Variants in RBFOX1 observed in about 807,000 individuals in gnomAD.
RBFOX1 encodes the protein RNA binding protein fox-1 homolog 1.
In RBFOX1, 8 loss-of-function variants were observed where a neutral mutation model predicts 57.7. That is an observed-to-expected ratio of 0.14 (90% CI 0.08 to 0.25). The LOEUF (loss-of-function observed/expected upper bound fraction) is 0.25, where lower values mean the gene tolerates loss of function less well. Ranked by LOEUF, RBFOX1 falls within the 10% of genes least tolerant of loss-of-function variation. The pLI, the probability that RBFOX1 is intolerant of heterozygous loss-of-function variation, is 1.00. For synonymous variants in RBFOX1, 326 were observed against 222.4 expected, an observed-to-expected ratio of 1.47 and a Z score of -4.15; for missense variants, 611 against 548.5, an observed-to-expected ratio of 1.11 and a Z score of -1.14.
chr16:6,806,837 T>TATATATATATATATATATATATA (rs1491107829), intron 3 of RBFOX1, among the ~76,000 whole-genome samples: 11 of 68,884 alleles, frequency 1.6e-4, no homozygotes, highest in South Asian at 5.1e-4. Context: ...TATATATATA[T>TATATATATATATATATATATATA]TTTTTTTTTT....
At chr16:6,840,462 G>T (rs1331027553) in intron 3 of RBFOX1, among the ~76,000 whole-genome samples, 1 of 152,054 alleles carries the variant, frequency 6.6e-6, no homozygotes, top group Non-Finnish European at 1.5e-5. Context: ...ACTGCTATTG[G>T]CTGAATGTTC....
At chr16:6,150,900 T>C (rs1597814577) in intron 1 of RBFOX1, among the ~76,000 whole-genome samples, 1 of 152,316 alleles carries the variant, frequency 6.6e-6, no homozygotes, top group African/African-American at 2.4e-5. Flanking sequence ...ATTTACATTT[T>C]CCGGCAATTC....
intron 2 of RBFOX1, among the ~76,000 whole-genome samples, chr16:5,576,291 C>G (rs1331193743): frequency 6.6e-6 from 1 of 152,194 alleles, no homozygotes; most frequent in Non-Finnish European, 1.5e-5. Context: ...CTACGCCTAA[C>G]CAGAAGTTTT....
intron 1 of RBFOX1, among the ~76,000 whole-genome samples, chr16:6,138,015 C>T (rs1054971272): frequency 6.6e-6 from 1 of 152,216 alleles, no homozygotes; most frequent in Non-Finnish European, 1.5e-5. Flanking sequence ...CTTATCAGGA[C>T]TGGAGCAACG....
chr16:6,820,179 C>G (rs892280686), intron 3 of RBFOX1, among the ~76,000 whole-genome samples: 2 of 152,198 alleles, frequency 1.3e-5, no homozygotes, highest in Admixed American at 6.5e-5. Context: ...CTTTGCTTCT[C>G]CTTCACCTTC....
At chr16:5,825,296 C>T (rs774211139) in intron 3 of RBFOX1, among the ~76,000 whole-genome samples, 14 of 152,206 alleles carry the variant, frequency 9.2e-5, no homozygotes, top group Middle Eastern at 3.2e-3. Flanking sequence ...CAGAGATGTT[C>T]CCTGCCCAGG....
chr16:6,385,069 AG>A, intron 2 of RBFOX1, among the ~76,000 whole-genome samples: 1 of 152,276 alleles, frequency 6.6e-6, no homozygotes, highest in East Asian at 1.9e-4. Flanking sequence ...GGTCTTCCAA[AG>A]CTTTTCAAAC....
chr16:6,903,399 C>G (rs1199068771), intron 3 of RBFOX1, among the ~76,000 whole-genome samples: 2 of 152,212 alleles, frequency 1.3e-5, no homozygotes, highest in African/African-American at 4.8e-5. Flanking sequence ...GAGGCCAGTT[C>G]TGCGCTCCAA....
intron 4 of RBFOX1, among the ~76,000 whole-genome samples, chr16:7,500,633 G>A (rs1290731410): frequency 1.3e-5 from 2 of 152,256 alleles, no homozygotes; most frequent in Non-Finnish European, 2.9e-5. Context: ...TATGATTTGG[G>A]CATTTCACTG....
At chr16:6,252,101 A>C (rs935547822) in intron 1 of RBFOX1, among the ~76,000 whole-genome samples, 12 of 152,026 alleles carry the variant, frequency 7.9e-5, no homozygotes, top group African/African-American at 2.9e-4. Context: ...GTTCTTCTCC[A>C]ACTTCCCCTA....
intron 4 of RBFOX1, among the ~76,000 whole-genome samples, chr16:7,130,016 T>C (rs2069796913): frequency 1.3e-5 from 2 of 151,578 alleles, no homozygotes. Context: ...GCCTCTAATC[T>C]TCTTCATTTT....
intron 3 of RBFOX1, among the ~76,000 whole-genome samples, chr16:7,001,080 A>G (rs2092746884): frequency 6.6e-6 from 1 of 152,108 alleles, no homozygotes; most frequent in South Asian, 2.1e-4. Context: ...TGCTTACCCC[A>G]AGGTAGAGTT....
chr16:6,950,654 A>G (rs1391065495), intron 3 of RBFOX1, among the ~76,000 whole-genome samples: 1 of 152,152 alleles, frequency 6.6e-6, no homozygotes. Flanking sequence ...TCTCTCAAGG[A>G]TGCAGAAAGA....
chr16:7,699,855 A>G (rs2080082136), intron 14 of RBFOX1, among the ~76,000 whole-genome samples: 1 of 152,120 alleles, frequency 6.6e-6, no homozygotes, highest in African/African-American at 2.4e-5. Context: ...TTTGGCTCAA[A>G]TGAATATTGA....
intron 2 of RBFOX1, among the ~76,000 whole-genome samples, chr16:6,343,284 C>T (rs922368916): frequency 6.6e-6 from 1 of 152,186 alleles, no homozygotes; most frequent in Admixed American, 6.5e-5. Context: ...TAATCTGTGT[C>T]TTCCCCTACC....
At chr16:6,892,797 TC>T (rs1327464603) in intron 3 of RBFOX1, among the ~76,000 whole-genome samples, 1 of 134,628 alleles carries the variant, frequency 7.4e-6, no homozygotes, top group Non-Finnish European at 1.6e-5. Flanking sequence ...TCTCTCTCTC[TC>T]TCTCTCTCTC....
At chr16:7,183,901 A>C (rs1418334540) in intron 4 of RBFOX1, among the ~76,000 whole-genome samples, 1 of 152,172 alleles carries the variant, frequency 6.6e-6, no homozygotes, top group East Asian at 1.9e-4. Context: ...GGAGTAGTTT[A>C]AAGGGGATAG....
chr16:6,486,553 G>A (rs1217222779), intron 2 of RBFOX1, among the ~76,000 whole-genome samples: 2 of 152,042 alleles, frequency 1.3e-5, no homozygotes, highest in East Asian at 3.9e-4. Flanking sequence ...AAGTAATTCT[G>A]TTGGGATTAA....
intron 1 of RBFOX1, among the ~76,000 whole-genome samples, chr16:6,182,069 G>T (rs2097067601): frequency 6.6e-6 from 1 of 152,194 alleles, no homozygotes; most frequent in African/African-American, 2.4e-5. Context: ...TAGTATTCCT[G>T]TGTGCCCAGG....
Sources: allele counts gnomAD v4.1 joint callset (sites outside exome capture counted in the v4.1 genomes callset), GRCh38; gene constraint gnomAD v4.1.1; transcripts MANE v1.5; gene names NCBI Gene and HGNC (gene_info 2026-07-23, HGNC 2026-07-21).